The following ATP9B variants were observed in gnomAD, a reference collection of about 807,000 sequenced individuals.
ATP9B encodes ATPase phospholipid transporting 9B.
In ATP9B, 110 loss-of-function variants were observed where a neutral mutation model predicts 146.1. That is an observed-to-expected ratio of 0.75 (90% CI 0.65 to 0.88). The LOEUF (loss-of-function observed/expected upper bound fraction) is 0.88, where lower values mean the gene tolerates loss of function less well. ATP9B is among the 40% of genes least tolerant of loss of function. The pLI is 0.00. For missense variants in ATP9B, 1,499 were observed against 1,496.4 expected (o/e 1.00, Z -0.03); for synonymous variants, 604 against 569.7 (o/e 1.06, Z -0.86).
rs1008593301 is a variant in ATP9B, at chr18:79,317,295, A to G, written c.1773+10061A>G. Among the ~76,000 whole-genome samples the G allele has an allele frequency of 2.0e-5, 3 of 152,214 alleles. No homozygotes were observed. In the East Asian group the frequency reaches 5.8e-4, roughly 29 times the overall value. On this transcript the variant is annotated intron_variant, in intron 15 of 29. Transcript: ENST00000426216. ...GAGTAAAACTTATTTTTTTCAAAAGACATTTATTAAGAAAATAAAGACAAA... is the reference window on the plus strand; with the variant it reads ...GAGTAAAACTTATTTTTTTCAAAAGGCATTTATTAAGAAAATAAAGACAAA...
chr18:79,179,086 G>A (rs1289619286), intron 8 of ATP9B, among the ~76,000 whole-genome samples: 1 of 152,148 alleles, frequency 6.6e-6, no homozygotes, highest in Non-Finnish European at 1.5e-5. Flanking sequence ...GTTTTTCAGA[G>A]AATTGGTTCA....
chr18:79,162,967 C>A (rs2094906672), intron 7 of ATP9B, among the ~76,000 whole-genome samples: 1 of 152,194 alleles, frequency 6.6e-6, no homozygotes. Context: ...TGTCATTAAG[C>A]CTGTTGACTC....
intron 7 of ATP9B, among the ~76,000 whole-genome samples, chr18:79,176,270 G>A (rs1449631004): frequency 6.6e-6 from 1 of 152,168 alleles, no homozygotes; most frequent in Non-Finnish European, 1.5e-5. Context: ...TGATAGCACG[G>A]CCAAAGAGTA....
chr18:79,171,888 G>T (rs12956811), intron 7 of ATP9B, among the ~76,000 whole-genome samples: 67,775 of 137,274 alleles, frequency 0.49, 16,666 homozygotes, highest in Middle Eastern at 0.68. Flanking sequence ...GTTTTTTTTT[G>T]TTTGTTTGTT....
chr18:79,204,048 C>T (rs1322935578), intron 9 of ATP9B, among the ~76,000 whole-genome samples: 1 of 152,118 alleles, frequency 6.6e-6, no homozygotes, highest in East Asian at 1.9e-4. Context: ...TTTGGTTGTT[C>T]TATCAAATCA....
chr18:79,071,553 A>T (rs2071826850), intron 1 of ATP9B, among the ~76,000 whole-genome samples: 1 of 151,464 alleles, frequency 6.6e-6, no homozygotes, highest in East Asian at 1.9e-4. Flanking sequence ...GGCTAATTAA[A>T]AAAAATTTTT....
intron 1 of ATP9B, among the ~76,000 whole-genome samples, chr18:79,083,904 C>T (rs1168969072): frequency 2.0e-5 from 3 of 148,572 alleles, no homozygotes; most frequent in Non-Finnish European, 3.0e-5. Context: ...TTCTCTGTTG[C>T]TAGGCTGGAG....
chr18:79,290,778 G>T (rs892170510), intron 13 of ATP9B, among the ~76,000 whole-genome samples: 1 of 152,178 alleles, frequency 6.6e-6, no homozygotes, highest in Non-Finnish European at 1.5e-5. Flanking sequence ...TCCATTTCTT[G>T]TAAGGTCTAA....
intron 6 of ATP9B, among the ~76,000 whole-genome samples, chr18:79,153,215 A>G (rs1048657375): frequency 6.6e-6 from 1 of 152,240 alleles, no homozygotes; most frequent in Non-Finnish European, 1.5e-5. Flanking sequence ...CAAAAATCAT[A>G]CATAATTCAT....
At chr18:79,161,571 GGGCACGGT>G (rs1198655227) in intron 7 of ATP9B, among the ~76,000 whole-genome samples, 3 of 152,172 alleles carry the variant, frequency 2.0e-5, no homozygotes, top group Admixed American at 6.5e-5. Flanking sequence ...AGTCAGGGCT[GGGCACGGT>G]GGCTCACGCT....
intron 17 of ATP9B, chr18:79,332,979 TAAAA>T (rs1251489659): frequency 6.6e-6 from 1 of 152,176 alleles, no homozygotes; most frequent in African/African-American, 2.4e-5. Flanking sequence ...CTGGATGAAT[TAAAA>T]AGAAATTGCA....
chr18:79,179,124 C>T (rs574428729), intron 8 of ATP9B, among the ~76,000 whole-genome samples: 2 of 152,230 alleles, frequency 1.3e-5, no homozygotes, highest in African/African-American at 4.8e-5. Context: ...ACATTAATGG[C>T]ATAAAGTTCA....
At chr18:79,173,854 T>C in intron 7 of ATP9B, 2 of 429,902 alleles carry the variant, frequency 4.7e-6, no homozygotes, top group Non-Finnish European at 9.2e-6. Context: ...TCTATACACA[T>C]TTTAGAATAA....
At chr18:79,221,889 G>C (rs1049276867) in intron 11 of ATP9B, among the ~76,000 whole-genome samples, 37 of 46,466 alleles carry the variant, frequency 8.0e-4, no homozygotes, top group African/African-American at 2.4e-3. Flanking sequence ...TTTTTTTTTT[G>C]CCTTTATTTT....
At chr18:79,154,350 T>C (rs914957387) in intron 6 of ATP9B, among the ~76,000 whole-genome samples, 154 bp from the exon 7 acceptor site, 2 of 152,198 alleles carry the variant, frequency 1.3e-5, no homozygotes, top group African/African-American at 4.8e-5. Context: ...AATTAAAATA[T>C]CAATTTTTTA....
rs548481389 is a variant in ATP9B, at chr18:79,119,276, G to A, written c.558+5922G>A. Among the ~76,000 whole-genome samples, 5 of 152,192 alleles carry A rather than the reference G, an allele frequency of 3.3e-5. No individual in the cohort carries two copies. The East Asian group carries it at 7.7e-4, about 24-fold the overall frequency. ...TGGTTCTTTCTGAAGAACTTTATTT[G>A]ATTTGTTCACAAAATTGATGATCTT... On this transcript the variant is annotated intron_variant, in intron 4 of 29. Coordinates refer to ENST00000426216, the MANE Select transcript of ATP9B (RefSeq NM_198531.5).
chr18:79,098,080 C>T (rs866897921), intron 2 of ATP9B, among the ~76,000 whole-genome samples: 10 of 142,744 alleles, frequency 7.0e-5, no homozygotes, highest in African/African-American at 7.6e-5. Flanking sequence ...TCAGAAATAA[C>T]GCCACATACC....
chr18:79,369,391 G>T (rs2097055398), intron 26 of ATP9B, among the ~76,000 whole-genome samples: 1 of 152,124 alleles, frequency 6.6e-6, no homozygotes, highest in South Asian at 2.1e-4. Flanking sequence ...AAATTAGCTG[G>T]GTGTGGTGGC....
chr18:79,209,550 C>G, intron 10 of ATP9B: 1 of 549,664 alleles, frequency 1.8e-6, no homozygotes, highest in Non-Finnish European at 2.3e-6. Context: ...GACCTCAGTT[C>G]TCTTGATGAC....
Sources: gnomAD v4.1 joint callset for allele counts (sites outside exome capture counted in the v4.1 genomes callset) on GRCh38, gnomAD v4.1.1 for gene constraint, MANE v1.5 for transcripts, NCBI Gene and HGNC (gene_info 2026-07-23, HGNC 2026-07-21) for gene names.